Variants in PHAX observed in about 807,000 individuals in gnomAD.
PHAX encodes phosphorylated adaptor for RNA export, also known as phosphorylated adapter RNA export protein.
In PHAX, 31 loss-of-function variants were observed where a neutral mutation model predicts 41.6. The ratio of observed to expected loss-of-function variants is 0.75; its 90% CI spans 0.56 to 1.01. PHAX has a LOEUF of 1.01. Ranked by LOEUF, PHAX falls within the 50% of genes least tolerant of loss-of-function variation. The pLI is 0.00. For missense variants in PHAX, 453 were observed against 472.9 expected, an observed-to-expected ratio of 0.96 and a Z score of 0.39; for synonymous variants, 175 against 164.9, an observed-to-expected ratio of 1.06 and a Z score of -0.47.
At chr5:126,618,221 T>G (rs1049669690) in intron 4 of PHAX, among the ~76,000 whole-genome samples, 1 of 152,112 alleles carries the variant, frequency 6.6e-6, no homozygotes, top group African/African-American at 2.4e-5. Context: ...ATTATAGGCA[T>G]GAGCCACCAC....
chr5:126,617,825 G>T (rs948401458), intron 4 of PHAX, among the ~76,000 whole-genome samples: 1 of 152,164 alleles, frequency 6.6e-6, no homozygotes, highest in Non-Finnish European at 1.5e-5. Context: ...TGTTGCCCAG[G>T]CTGGTCTTGT....
Position 126,608,524 on chromosome 5 carries a change from C to G in PHAX, c.831+40C>G, listed in dbSNP as rs140607382. ...CTGTTTTTGTTTTTGTATTGTTTAT[C>G]CTGTGTTTTTGTTTTTGATTACAAA... On this transcript the variant is annotated intron_variant, in intron 3 of 4. Coordinates refer to ENST00000297540, the MANE Select transcript of PHAX (RefSeq NM_032177.4). 14 of 933,710 alleles carry G rather than the reference C, an allele frequency of 1.5e-5. No homozygotes were observed. In the African/African-American group the frequency reaches 2.2e-4, roughly 14 times the overall value. The allele number at this position is 933,710 out of a possible 1,614,324, so 57.8% of individuals were successfully genotyped here.
intron 1 of PHAX, among the ~76,000 whole-genome samples, chr5:126,603,071 A>T (rs1282068797): frequency 7.7e-6 from 1 of 129,504 alleles, no homozygotes; most frequent in Non-Finnish European, 1.5e-5. Context: ...CTACCAAAAA[A>T]TGCAAAAAAA....
At chr5:126,619,669 C>G (rs1050502554) in intron 4 of PHAX, among the ~76,000 whole-genome samples, 1 of 151,382 alleles carries the variant, frequency 6.6e-6, no homozygotes, top group South Asian at 2.1e-4. Context: ...GGCTTTCATT[C>G]ATTCTTCTGT....
chr5:126,622,834 A>G (rs1183304266), intron 4 of PHAX, among the ~76,000 whole-genome samples: 1 of 152,044 alleles, frequency 6.6e-6, no homozygotes, highest in Non-Finnish European at 1.5e-5. Context: ...AATAGATTTT[A>G]AGAACATTGG....
rs146174480 is a variant in PHAX at position 126,604,130 on chromosome 5, C to A, written c.657C>A (p.Tyr219Ter). The change falls in exon 2 of 5, where the codon TAC becomes TAA. Residue 219 changes from tyrosine to a stop codon, truncating the protein, a stop_gained. Coordinates refer to ENST00000297540, the MANE Select transcript of PHAX (RefSeq NM_032177.4). LOFTEE classifies it high-confidence loss of function. ...CAGAAATGAACTATAAAGGTCGATACGAGATCACAGCGGAAGATTCTCAAG... is the reference window on the plus strand; with the variant it reads ...CAGAAATGAACTATAAAGGTCGATAAGAGATCACAGCGGAAGATTCTCAAG... ...NRPEMNYKGRYEITAEDSQEK... is the reference protein window; with the variant it reads ...NRPEMNYKGR The A allele has an allele frequency of 2.5e-6, 4 of 1,581,904 alleles. No homozygotes were observed. The highest frequency in any genetic ancestry group is 3.4e-6 in the Non-Finnish European group (4 of 1,167,106).
intron 2 of PHAX, among the ~76,000 whole-genome samples, chr5:126,607,202 C>T (rs1022865639): frequency 6.6e-6 from 1 of 151,962 alleles, no homozygotes; most frequent in Non-Finnish European, 1.5e-5. Context: ...TTTTAAAATA[C>T]TGGGGAAGTT....
At chr5:126,615,508 C>CTTTTT (rs35158448) in intron 3 of PHAX, among the ~76,000 whole-genome samples, 12 of 111,536 alleles carry the variant, frequency 1.1e-4, no homozygotes, top group African/African-American at 3.2e-4. Context: ...ACATTCTGTG[C>CTTTTT]TTTTTTTTTT....
At chr5:126,603,207 G>A (rs1391847888) in intron 1 of PHAX, among the ~76,000 whole-genome samples, 3 of 150,598 alleles carry the variant, frequency 2.0e-5, no homozygotes, top group Non-Finnish European at 2.9e-5. Context: ...TCCAGCCTCG[G>A]CCACAGAACA....
chr5:126,613,725 T>A (rs1043887626), intron 3 of PHAX, among the ~76,000 whole-genome samples: 9 of 152,040 alleles, frequency 5.9e-5, no homozygotes, highest in South Asian at 2.1e-4. Flanking sequence ...AGTGATTACC[T>A]ATGGTTAGTA....
At chr5:126,601,856 G>C (rs1322288880) in intron 1 of PHAX, among the ~76,000 whole-genome samples, 1 of 152,162 alleles carries the variant, frequency 6.6e-6, no homozygotes, top group African/African-American at 2.4e-5. Flanking sequence ...TGGTAGACGC[G>C]GGGTTTCACC....
Position 126,611,041 on chromosome 5 carries a change from TC to T in PHAX, c.831+2558del, listed in dbSNP as rs201788591. Among the ~76,000 whole-genome samples the T allele has an allele frequency of 5.6e-3, 780 of 138,786 alleles. 9 individuals are homozygous for T. Among genetic ancestry groups the T allele is most frequent in the African/African-American group, 0.018 (620 of 34,064 alleles). 91.0% of individuals were successfully genotyped at this position (138,786 alleles called of 152,430 possible). On this transcript the variant is annotated intron_variant, in intron 3 of 4. Transcript: ENST00000297540. ...ACTTTCTTTTTTTTTTTGTTTTTTT[TC>T]TTTTCGTTTGTTTGTTTGTTTGTTT...
At chr5:126,621,169 T>C (rs948047523) in intron 4 of PHAX, among the ~76,000 whole-genome samples, 3 of 152,068 alleles carry the variant, frequency 2.0e-5, no homozygotes, top group African/African-American at 7.2e-5. Context: ...GGATTACAGG[T>C]GTGAGCCACT....
chr5:126,604,112 G>A lies in PHAX; in HGVS notation c.639G>A (p.Met213Ile), dbSNP rs1751951215. ...ACAGGCTAGGGAACAGACCAGAAAT[G>A]AACTATAAAGGTCGATACGAGATCA... The part of the protein sequence containing the change: ...VKDRLGNRPE[M>I]NYKGRYEITA... Residue 213 changes from methionine to isoleucine, a missense_variant, in exon 2 of 5, where the codon ATG (methionine) becomes ATA (isoleucine). By Grantham distance (10) the Met-to-Ile change is conservative. Coordinates refer to ENST00000297540, the MANE Select transcript of PHAX (RefSeq NM_032177.4). 1 of 1,605,828 alleles carries A rather than the reference G, an allele frequency of 6.2e-7. No individual in the cohort carries two copies. The highest frequency in any genetic ancestry group is 1.4e-5 in the African/African-American group (1 of 74,064).
intron 3 of PHAX, among the ~76,000 whole-genome samples, chr5:126,609,618 A>G (rs569432656): frequency 4.6e-5 from 7 of 152,252 alleles, no homozygotes; most frequent in African/African-American, 1.7e-4. Context: ...GATGGTGCAC[A>G]TGAAATACTG....
Position 126,627,005 on chromosome 5 carries a change from G to A in PHAX, c.*2161G>A, listed in dbSNP as rs1485788720. On this transcript the variant is annotated 3_prime_UTR_variant, in exon 5 of 5. Transcript: ENST00000297540. ...ATAAGGTAGTTTAGACATTCCAAGA[G>A]TTAACTATAGTTTACAAAAATATAT... 1 of 152,150 alleles carries A rather than the reference G, an allele frequency of 6.6e-6. No homozygotes were observed. The highest frequency in any genetic ancestry group is 1.5e-5 in the Non-Finnish European group (1 of 68,024). The allele number at this position is 152,150 out of a possible 1,614,324, so 9.4% of individuals were successfully genotyped here.
chr5:126,626,041 G>A lies in PHAX; in HGVS notation c.*1197G>A, dbSNP rs1202580523. On this transcript the variant is annotated 3_prime_UTR_variant, in exon 5 of 5. Coordinates refer to ENST00000297540, the MANE Select transcript of PHAX (RefSeq NM_032177.4). Reference sequence around the variant, plus strand: ...TGTTTTTTGACTTCTTAATTAACTTGGTCATATACTAAATGTGATCTCCTG... The same window carrying A: ...TGTTTTTTGACTTCTTAATTAACTTAGTCATATACTAAATGTGATCTCCTG... 6.6e-6 allele frequency: 1 copy of A among 152,138 alleles called. No homozygotes were observed. The highest frequency in any genetic ancestry group is 1.9e-4 in the East Asian group (1 of 5,172). The allele number at this position is 152,138 out of a possible 1,614,324, so 9.4% of individuals were successfully genotyped here. A position where few individuals can be genotyped will look rare whatever the true frequency, so the allele number is the denominator to read the frequency against.
At chr5:126,622,208 A>C (rs746772892) in intron 4 of PHAX, among the ~76,000 whole-genome samples, 1 of 151,940 alleles carries the variant, frequency 6.6e-6, no homozygotes, top group Non-Finnish European at 1.5e-5. Flanking sequence ...CTCTCGGCTC[A>C]CTGCAACCTC....
At chr5:126,617,141 T>C (rs1752198232) in intron 3 of PHAX, 109 bp from the exon 4 acceptor site, 1 of 569,368 alleles carries the variant, frequency 1.8e-6, no homozygotes, top group African/African-American at 1.9e-5. Flanking sequence ...AGGACTGGAC[T>C]TCAGATCTGG....
Sources: gnomAD v4.1 joint callset for allele counts (sites outside exome capture counted in the v4.1 genomes callset) on GRCh38, gnomAD v4.1.1 for gene constraint, MANE v1.5 for transcripts, NCBI Gene and HGNC (gene_info 2026-07-23, HGNC 2026-07-21) for gene names.